ZFHX4: variants seen among roughly 807,000 people sequenced by gnomAD.
ZFHX4 encodes zinc finger homeobox 4, also known as zinc finger homeobox protein 4.
A neutral mutation model predicts 267.6 loss-of-function variants in ZFHX4; 56 were observed. The observed-to-expected ratio is 0.21, with a 90% CI of 0.17 to 0.26. The LOEUF is 0.26. ZFHX4 is among the 10% of genes least tolerant of loss of function. The pLI is 1.00. For missense variants in ZFHX4, 4,332 were observed against 4,420.0 expected, an observed-to-expected ratio of 0.98 and a Z score of 0.56; for synonymous variants, 1,778 against 1,665.6, an observed-to-expected ratio of 1.07 and a Z score of -1.64.
At chr8:76,830,668 C>A (rs1811910415) in intron 4 of ZFHX4, among the ~76,000 whole-genome samples, 1 of 152,142 alleles carries the variant, frequency 6.6e-6, no homozygotes, top group Non-Finnish European at 1.5e-5. Flanking sequence ...AAGTAGCTCT[C>A]ATTGGAGCAG....
chr8:76,717,554 A>G (rs1245348789), intron 3 of ZFHX4, among the ~76,000 whole-genome samples: 1 of 152,202 alleles, frequency 6.6e-6, no homozygotes, highest in Non-Finnish European at 1.5e-5. Flanking sequence ...GAAACTCGCA[A>G]TAACTATGGT....
At chr8:76,813,868 G>A (rs1308351355) in intron 4 of ZFHX4, among the ~76,000 whole-genome samples, 1 of 152,036 alleles carries the variant, frequency 6.6e-6, no homozygotes, top group Non-Finnish European at 1.5e-5. Context: ...TGATTCCAAA[G>A]CATTTGATTA....
intron 4 of ZFHX4, among the ~76,000 whole-genome samples, chr8:76,815,893 G>C (rs60930772): frequency 0.041 from 6,248 of 152,270 alleles, 208 homozygotes; most frequent in African/African-American, 0.091. Flanking sequence ...GAATTTAGGG[G>C]CAGACATAAA....
chr8:76,840,287 G>A (rs976074994), intron 5 of ZFHX4, among the ~76,000 whole-genome samples: 4 of 152,160 alleles, frequency 2.6e-5, no homozygotes, highest in Non-Finnish European at 4.4e-5. Flanking sequence ...AGGCAGTTAT[G>A]GCCTCAGAAC....
chr8:76,778,062 GTGGTAGGCTGGGC>G, intron 3 of ZFHX4, 133 bp from the exon 4 acceptor site: 1 of 622,464 alleles, frequency 1.6e-6, no homozygotes, highest in South Asian at 1.9e-5. Context: ...CACTTTTCAG[GTGGTAGGCTGGGC>G]TGCGTCTTAT....
chr8:76,845,480 A>G (rs1034213550), intron 6 of ZFHX4, among the ~76,000 whole-genome samples: 1 of 152,054 alleles, frequency 6.6e-6, no homozygotes, highest in African/African-American at 2.4e-5. Flanking sequence ...TTATCCTTTC[A>G]TTCTAGTCTC....
chr8:76,775,532 A>G (rs1810379267), intron 3 of ZFHX4, among the ~76,000 whole-genome samples: 2 of 152,158 alleles, frequency 1.3e-5, no homozygotes, highest in Non-Finnish European at 2.9e-5. Context: ...GATGGGGTGA[A>G]CTCTTGCAGA....
intron 3 of ZFHX4, among the ~76,000 whole-genome samples, chr8:76,709,888 A>G (rs1808380246): frequency 6.6e-6 from 1 of 151,472 alleles, no homozygotes. Context: ...TCTTCAGGGC[A>G]ATTTGCTTGG....
chr8:76,732,566 C>T (rs1809050010), intron 3 of ZFHX4, among the ~76,000 whole-genome samples: 3 of 152,082 alleles, frequency 2.0e-5, no homozygotes, highest in Non-Finnish European at 1.5e-5. Flanking sequence ...TGGCCTCTAA[C>T]TTGGCCATAA....
intron 4 of ZFHX4, among the ~76,000 whole-genome samples, chr8:76,796,825 C>T (rs1203260695): frequency 1.3e-5 from 2 of 152,214 alleles, no homozygotes; most frequent in Admixed American, 1.3e-4. Context: ...TGTTTTACCA[C>T]ACCGTGAAGA....
chr8:76,728,962 G>T (rs1463052788), intron 3 of ZFHX4, among the ~76,000 whole-genome samples: 2 of 152,178 alleles, frequency 1.3e-5, no homozygotes, highest in Non-Finnish European at 2.9e-5. Flanking sequence ...ATAATCTCAT[G>T]ATGATGAATA....
chr8:76,862,907 A>T (rs1406352735), intron 10 of ZFHX4, among the ~76,000 whole-genome samples, 187 bp from the exon 11 acceptor site: 1 of 152,124 alleles, frequency 6.6e-6, no homozygotes, highest in African/African-American at 2.4e-5. Context: ...TAATATAAGA[A>T]ATATTATAAA....
chr8:76,782,107 T>A, intron 4 of ZFHX4: 1 of 312,572 alleles, frequency 3.2e-6, no homozygotes, highest in Non-Finnish European at 6.2e-6. Context: ...AGAATTTTTT[T>A]TTTTTTTTTT....
At chr8:76,692,738 T>C (rs998395005) in intron 1 of ZFHX4, among the ~76,000 whole-genome samples, 4 of 152,118 alleles carry the variant, frequency 2.6e-5, no homozygotes, top group Non-Finnish European at 5.9e-5. Context: ...TTGCGATACA[T>C]GTAAGATACA....
At chr8:76,761,869 A>C (rs1022343970) in intron 3 of ZFHX4, among the ~76,000 whole-genome samples, 1 of 152,182 alleles carries the variant, frequency 6.6e-6, no homozygotes, top group African/African-American at 2.4e-5. Context: ...AGAAGGAAGC[A>C]TGTTACAATA....
rs142641790 is a variant in ZFHX4 at position 76,846,827 on chromosome 8, T to G, written c.3512-2168T>G. Among the ~76,000 whole-genome samples, 727 of 152,184 alleles carry G rather than the reference T, an allele frequency of 4.8e-3. 6 individuals are homozygous for G. Among genetic ancestry groups the G allele is most frequent in the African/African-American group, 0.017 (689 of 41,538 alleles). On this transcript the variant is annotated intron_variant, in intron 6 of 10. Transcript: ENST00000651372. ...ATAGATTTATAAGTTTCTGAAAGAT[T>G]TATTCTATTACTGATGATCCAAAGG...
At chr8:76,775,915 T>A (rs1198461453) in intron 3 of ZFHX4, among the ~76,000 whole-genome samples, 2 of 149,226 alleles carry the variant, frequency 1.3e-5, no homozygotes, top group African/African-American at 5.0e-5. Context: ...TTTTTTTTAA[T>A]GTGAAAGTGG....
chr8:76,715,288 C>T (rs796364412), intron 3 of ZFHX4, among the ~76,000 whole-genome samples: 4 of 151,762 alleles, frequency 2.6e-5, no homozygotes, highest in East Asian at 2.0e-4. Context: ...GTCAGGAGTT[C>T]GAGACCAGCC....
intron 4 of ZFHX4, among the ~76,000 whole-genome samples, chr8:76,830,991 G>C (rs1290219061): frequency 6.6e-6 from 1 of 152,058 alleles, no homozygotes; most frequent in Non-Finnish European, 1.5e-5. Flanking sequence ...TTTTATACGA[G>C]ACAGACAAGG....
Sources: gnomAD v4.1 joint callset for allele counts (sites outside exome capture counted in the v4.1 genomes callset) on GRCh38, gnomAD v4.1.1 for gene constraint, MANE v1.5 for transcripts, NCBI Gene and HGNC (gene_info 2026-07-23, HGNC 2026-07-21) for gene names.